Variants in SLC12A8 observed in about 807,000 individuals in gnomAD.
SLC12A8 encodes cation-chloride cotransporter 9.
Under a neutral mutation model 75.6 loss-of-function variants are expected in SLC12A8, and 69 were observed. That is an observed-to-expected ratio of 0.91 (90% CI 0.75 to 1.11). The LOEUF (loss-of-function observed/expected upper bound fraction) is 1.11, where lower values mean the gene tolerates loss of function less well. SLC12A8 is among the 50% of genes most tolerant of loss of function. The pLI is 0.00. For missense variants in SLC12A8, 877 were observed against 896.7 expected (o/e 0.98, Z 0.28); for synonymous variants, 365 against 372.8 (o/e 0.98, Z 0.24).
At chr3:125,087,637 AG>A (rs1385467331) in intron 13 of SLC12A8, among the ~76,000 whole-genome samples, 1 of 152,216 alleles carries the variant, frequency 6.6e-6, no homozygotes, top group Non-Finnish European at 1.5e-5. Context: ...TGATATTGAA[AG>A]GGGACAGAGG....
chr3:125,163,598 C>CAA (rs11381972), intron 5 of SLC12A8, among the ~76,000 whole-genome samples: 3,093 of 140,410 alleles, frequency 0.022, 64 homozygotes, highest in East Asian at 0.089. Context: ...GACTCTGTCT[C>CAA]AAAAAAAAAA....
chr3:125,170,530 C>T (rs1409954901), intron 5 of SLC12A8, among the ~76,000 whole-genome samples: 1 of 152,248 alleles, frequency 6.6e-6, no homozygotes, highest in East Asian at 1.9e-4. Context: ...AGTAGCAAAA[C>T]AATGTGGAAT....
At chr3:125,110,398 C>T in intron 8 of SLC12A8, 63 bp from the exon 9 acceptor site, 3 of 1,543,060 alleles carry the variant, frequency 1.9e-6, no homozygotes, top group Non-Finnish European at 2.6e-6. Flanking sequence ...TCTACCCCCC[C>T]AGCACCCACC....
At chr3:125,175,636 G>A (rs1222116063) in intron 5 of SLC12A8, among the ~76,000 whole-genome samples, 2 of 152,088 alleles carry the variant, frequency 1.3e-5, no homozygotes, top group Non-Finnish European at 2.9e-5. Flanking sequence ...GGAGGGGGAA[G>A]TACAAGGAAT....
At chr3:125,111,755 T>C (rs1939193592) in intron 8 of SLC12A8, among the ~76,000 whole-genome samples, 3 of 152,212 alleles carry the variant, frequency 2.0e-5, no homozygotes, top group African/African-American at 7.2e-5. Flanking sequence ...CTGGAATAAT[T>C]TGACTGATGG....
chr3:125,111,532 G>A (rs1002356812), intron 8 of SLC12A8, among the ~76,000 whole-genome samples: 6 of 152,136 alleles, frequency 3.9e-5, no homozygotes, highest in South Asian at 4.2e-4. Flanking sequence ...TAGGCACAAT[G>A]GCCAGAACTG....
At chr3:125,198,979 C>T (rs796928609) in intron 2 of SLC12A8, among the ~76,000 whole-genome samples, 4 of 152,014 alleles carry the variant, frequency 2.6e-5, no homozygotes, top group African/African-American at 7.2e-5. Context: ...GGGGTTTCAC[C>T]GTGTTAGCCA....
At chr3:125,162,477 C>A (rs151258210) in intron 5 of SLC12A8, among the ~76,000 whole-genome samples, 1 of 152,200 alleles carries the variant, frequency 6.6e-6, no homozygotes, top group African/African-American at 2.4e-5. Context: ...ACAAAGCCAA[C>A]GGAGGGTGGA....
intron 5 of SLC12A8, among the ~76,000 whole-genome samples, chr3:125,140,819 G>A (rs1186604619): frequency 2.0e-5 from 3 of 151,698 alleles, no homozygotes; most frequent in South Asian, 2.1e-4. Context: ...TCCCAGCCTC[G>A]AGCAACCCTC....
At chr3:125,095,127 G>A (rs188495280) in intron 10 of SLC12A8, among the ~76,000 whole-genome samples, 2 of 152,230 alleles carry the variant, frequency 1.3e-5, no homozygotes, top group East Asian at 3.9e-4. Flanking sequence ...GGCTTTAAAT[G>A]CTACTGATAT....
intron 9 of SLC12A8, among the ~76,000 whole-genome samples, chr3:125,109,812 C>T (rs762971794): frequency 2.2e-4 from 33 of 152,164 alleles, no homozygotes; most frequent in Non-Finnish European, 3.7e-4. Context: ...AGGACCAGCT[C>T]GCCTCCTGAC....
intron 10 of SLC12A8, among the ~76,000 whole-genome samples, chr3:125,102,638 C>T (rs1938910225): frequency 6.6e-6 from 1 of 152,112 alleles, no homozygotes; most frequent in Non-Finnish European, 1.5e-5. Context: ...AGGGAATGGT[C>T]AGCAACACCT....
chr3:125,095,493 G>A (rs1391416473), intron 10 of SLC12A8, among the ~76,000 whole-genome samples: 4 of 152,088 alleles, frequency 2.6e-5, no homozygotes, highest in Admixed American at 2.0e-4. Context: ...TTACTGCAGC[G>A]GGCTCCTGTG....
Position 125,091,697 on chromosome 3 carries a change from G to A in SLC12A8, c.1804-141C>T, listed in dbSNP as rs1308000876. ...AAAAGTCTGAATAATTGAAGTTTAT[G>A]AAGAATTCAAAAAACCTCACTTAAG... is the stretch of plus-strand genomic sequence containing the variant. On this transcript the variant is annotated intron_variant, in intron 11 of 13. Transcript: ENST00000469902. 4 of 619,738 alleles carry A rather than the reference G, an allele frequency of 6.5e-6. No homozygotes were observed. In the African/African-American group the frequency reaches 7.4e-5, roughly 11 times the overall value. The allele number at this position is 619,738 out of a possible 1,614,324, so 38.4% of individuals were successfully genotyped here.
intron 10 of SLC12A8, among the ~76,000 whole-genome samples, chr3:125,097,114 G>A (rs1163272028): frequency 6.6e-6 from 1 of 152,184 alleles, no homozygotes; most frequent in Non-Finnish European, 1.5e-5. Context: ...GCCGGGCACA[G>A]TGGCTCACAC....
At chr3:125,120,939 C>T in intron 6 of SLC12A8, 1 of 686,302 alleles carries the variant, frequency 1.5e-6, no homozygotes, top group Non-Finnish European at 2.6e-6. Context: ...CAAAAGCATC[C>T]TACCGCTCAG....
chr3:125,193,369 C>CA (rs1187898345), intron 2 of SLC12A8, among the ~76,000 whole-genome samples: 58 of 151,082 alleles, frequency 3.8e-4, no homozygotes, highest in Admixed American at 2.5e-3. Context: ...GACCCTGTCT[C>CA]AAAAAAAAAG....
chr3:125,198,436 C>T (rs980840806), intron 2 of SLC12A8, among the ~76,000 whole-genome samples: 4 of 152,072 alleles, frequency 2.6e-5, no homozygotes, highest in African/African-American at 7.2e-5. Flanking sequence ...AGTTCGAAAC[C>T]AGCCTGGCCA....
chr3:125,147,705 A>T (rs1212934743), intron 5 of SLC12A8, among the ~76,000 whole-genome samples: 2 of 152,144 alleles, frequency 1.3e-5, no homozygotes, highest in Non-Finnish European at 2.9e-5. Flanking sequence ...ACGAGGGGAG[A>T]GCAAGAGGAG....
Sources: gnomAD v4.1 joint callset for allele counts (sites outside exome capture counted in the v4.1 genomes callset) on GRCh38, gnomAD v4.1.1 for gene constraint, MANE v1.5 for transcripts, NCBI Gene and HGNC (gene_info 2026-07-23, HGNC 2026-07-21) for gene names.